Variants in TSPAN12 observed in about 807,000 individuals in gnomAD.
TSPAN12 encodes the protein tetraspanin-12.
Under a neutral mutation model 39.2 loss-of-function variants are expected in TSPAN12, and 19 were observed. The ratio of observed to expected loss-of-function variants is 0.49; its 90% CI spans 0.34 to 0.71. The LOEUF (loss-of-function observed/expected upper bound fraction) is 0.71, where lower values mean the gene tolerates loss of function less well. Among genes scored for constraint, TSPAN12 ranks in the 30% least tolerant of loss-of-function variants. The pLI is 0.01. For missense variants in TSPAN12, 314 were observed against 359.9 expected (o/e 0.87, Z 1.03); for synonymous variants, 119 against 124.8 (o/e 0.95, Z 0.31).
intron 5 of TSPAN12, among the ~76,000 whole-genome samples, chr7:120,813,064 G>A (rs1794011646): frequency 6.6e-6 from 1 of 152,128 alleles, no homozygotes; most frequent in South Asian, 2.1e-4. Context: ...TTGAGGTTCT[G>A]GCACAAATAC....
intron 4 of TSPAN12, among the ~76,000 whole-genome samples, chr7:120,817,199 C>A (rs1794101004): frequency 6.6e-6 from 1 of 151,468 alleles, no homozygotes; most frequent in Non-Finnish European, 1.5e-5. Flanking sequence ...TATAATGAGA[C>A]CCCATATCTA....
At chr7:120,825,995 C>T (rs1794279312) in intron 4 of TSPAN12, among the ~76,000 whole-genome samples, 1 of 152,158 alleles carries the variant, frequency 6.6e-6, no homozygotes, top group Non-Finnish European at 1.5e-5. Context: ...ATAGTCTTGT[C>T]TTAGAGACCG....
At chr7:120,808,933 C>G (rs992137393) in intron 6 of TSPAN12, among the ~76,000 whole-genome samples, 1 of 151,134 alleles carries the variant, frequency 6.6e-6, no homozygotes, top group Non-Finnish European at 1.5e-5. Context: ...GGGCCCTAAT[C>G]CAGTATGACT....
chr7:120,800,744 G>GTTTTTTTTTTTTTTT lies in TSPAN12; in HGVS notation c.612+5804_612+5805insAAAAAAAAAAAAAAA, dbSNP rs148802163. Among the ~76,000 whole-genome samples the GTTTTTTTTTTTTTTT allele has an allele frequency of 5.9e-5, 7 of 118,738 alleles. 1 individual carries two copies. The highest frequency in any genetic ancestry group is 8.5e-5 in the Non-Finnish European group (5 of 59,024). The allele number at this position is 118,738 out of a possible 152,430, so 77.9% of individuals were successfully genotyped here. A position where few individuals can be genotyped will look rare whatever the true frequency, so the allele number is the denominator to read the frequency against. On this transcript the variant is annotated intron_variant, in intron 7 of 7. Coordinates refer to ENST00000222747, the MANE Select transcript of TSPAN12 (RefSeq NM_012338.4). ...CTGCTGAAATAAAGTTTTCCTTATC[G>GTTTTTTTTTTTTTTT]TTTTTTTTTGTTTTTTTTTTTTGAG...
chr7:120,791,538 C>G (rs1165203688), intron 7 of TSPAN12, among the ~76,000 whole-genome samples: 1 of 152,154 alleles, frequency 6.6e-6, no homozygotes, highest in East Asian at 1.9e-4. Flanking sequence ...TTTACCCTTT[C>G]AATAGTCTCT....
intron 5 of TSPAN12, 54 bp from the exon 6 acceptor site, chr7:120,810,624 TCACACACA>T (rs112555207): frequency 4.5e-5 from 32 of 716,396 alleles, no homozygotes; most frequent in African/African-American, 1.8e-4. Context: ...AGACACAGAT[TCACACACA>T]CACACACACA....
intron 6 of TSPAN12, among the ~76,000 whole-genome samples, chr7:120,809,428 CACTT>C (rs1793935654): frequency 6.6e-6 from 1 of 152,118 alleles, no homozygotes; most frequent in African/African-American, 2.4e-5. Context: ...AGTTAGGAAG[CACTT>C]AAATAAACAG....
chr7:120,851,963 A>ATAAAGAG (rs1195347661), intron 2 of TSPAN12, among the ~76,000 whole-genome samples: 2 of 152,224 alleles, frequency 1.3e-5, no homozygotes, highest in African/African-American at 4.8e-5. Flanking sequence ...GATCCATACA[A>ATAAAGAG]TAAAGAGAAT....
chr7:120,809,354 A>G (rs1322526455), intron 6 of TSPAN12, among the ~76,000 whole-genome samples: 1 of 152,164 alleles, frequency 6.6e-6, no homozygotes, highest in African/African-American at 2.4e-5. Flanking sequence ...AACTTACTAT[A>G]AATTTCCTAA....
chr7:120,831,967 T>C (rs1794398472), intron 4 of TSPAN12, among the ~76,000 whole-genome samples: 1 of 151,802 alleles, frequency 6.6e-6, no homozygotes, highest in African/African-American at 2.4e-5. Flanking sequence ...ATAAAAAATT[T>C]TAAATTATAA....
chr7:120,821,748 T>C (rs1794191468), intron 4 of TSPAN12, among the ~76,000 whole-genome samples: 1 of 152,280 alleles, frequency 6.6e-6, no homozygotes, highest in African/African-American at 2.4e-5. Context: ...CCACTCTACC[T>C]GGCACATAGC....
At chr7:120,822,619 T>C (rs573496450) in intron 4 of TSPAN12, among the ~76,000 whole-genome samples, 3 of 151,392 alleles carry the variant, frequency 2.0e-5, no homozygotes, top group Non-Finnish European at 4.4e-5. Flanking sequence ...CATCACGGAG[T>C]CCCCAAAATA....
intron 2 of TSPAN12, among the ~76,000 whole-genome samples, chr7:120,847,816 GTTC>G (rs562463834): frequency 1.9e-4 from 29 of 152,086 alleles, no homozygotes; most frequent in African/African-American, 7.0e-4. Context: ...CATAGATCAA[GTTC>G]TTCTGCTTAT....
intron 7 of TSPAN12, among the ~76,000 whole-genome samples, chr7:120,805,661 G>A (rs1462153602): frequency 6.6e-6 from 1 of 152,034 alleles, no homozygotes; most frequent in Non-Finnish European, 1.5e-5. Context: ...GATAAAGACT[G>A]CCTAACAAAA....
At chr7:120,792,682 A>C (rs990166634) in intron 7 of TSPAN12, among the ~76,000 whole-genome samples, 10 of 152,218 alleles carry the variant, frequency 6.6e-5, no homozygotes, top group Admixed American at 3.9e-4. Context: ...CTGAGTAGAA[A>C]CTTCAATGAC....
At chr7:120,801,644 T>C (rs1253130635) in intron 7 of TSPAN12, among the ~76,000 whole-genome samples, 1 of 152,216 alleles carries the variant, frequency 6.6e-6, no homozygotes, top group Non-Finnish European at 1.5e-5. Context: ...CTGTCCCTCT[T>C]TGTTTTACAT....
chr7:120,844,053 G>A (rs1178339550), intron 2 of TSPAN12, among the ~76,000 whole-genome samples: 1 of 152,158 alleles, frequency 6.6e-6, no homozygotes, highest in Non-Finnish European at 1.5e-5. Context: ...CATGGTGGGA[G>A]GGGAAGCAGG....
intron 7 of TSPAN12, among the ~76,000 whole-genome samples, chr7:120,804,708 A>G (rs1320146014): frequency 1.3e-5 from 2 of 152,146 alleles, no homozygotes; most frequent in African/African-American, 4.8e-5. Flanking sequence ...TTAGTACCTC[A>G]GAATGTGATC....
At chr7:120,856,386 C>G (rs1210223602) in intron 2 of TSPAN12, among the ~76,000 whole-genome samples, 4 of 152,156 alleles carry the variant, frequency 2.6e-5, no homozygotes, top group African/African-American at 7.2e-5. Flanking sequence ...AAGCAGTTCC[C>G]TAAGTAGTAT....
Sources: gnomAD v4.1 joint callset for allele counts (sites outside exome capture counted in the v4.1 genomes callset) on GRCh38, gnomAD v4.1.1 for gene constraint, MANE v1.5 for transcripts, NCBI Gene and HGNC (gene_info 2026-07-23, HGNC 2026-07-21) for gene names.